The following MPRIP variants were observed in gnomAD, a reference collection of about 807,000 sequenced individuals.
MPRIP encodes the protein myosin phosphatase Rho-interacting protein.
In MPRIP, 59 loss-of-function variants were observed where a neutral mutation model predicts 234.9. That is an observed-to-expected ratio of 0.25 (90% CI 0.20 to 0.31). The LOEUF (loss-of-function observed/expected upper bound fraction) is 0.31. Among genes scored for constraint, MPRIP ranks in the 10% least tolerant of loss-of-function variants. The pLI is 1.00. For synonymous variants in MPRIP, 1,144 were observed against 1,263.9 expected (o/e 0.91, Z 2.01); for missense variants, 2,436 against 3,071.0 (o/e 0.79, Z 4.89).
intron 5 of MPRIP, among the ~76,000 whole-genome samples, chr17:17,133,023 C>T (rs905320513): frequency 6.6e-6 from 1 of 152,158 alleles, no homozygotes; most frequent in African/African-American, 2.4e-5. Flanking sequence ...TAAGGTAACT[C>T]CAAGTGCAGA....
At chr17:17,085,655 T>C (rs1178604112) in intron 3 of MPRIP, among the ~76,000 whole-genome samples, 1 of 152,224 alleles carries the variant, frequency 6.6e-6, no homozygotes, top group East Asian at 1.9e-4. Flanking sequence ...GGCTCACGCC[T>C]GTAATCCCAG....
chr17:17,148,185 G>A (rs191998243), intron 11 of MPRIP, among the ~76,000 whole-genome samples: 4 of 152,342 alleles, frequency 2.6e-5, no homozygotes, highest in Admixed American at 2.6e-4. Context: ...GGGTAGGAGA[G>A]TGTGGGCGGT....
At chr17:17,175,980 C>T (rs1273642323) in intron 20 of MPRIP, among the ~76,000 whole-genome samples, 1 of 152,202 alleles carries the variant, frequency 6.6e-6, no homozygotes. Flanking sequence ...CTGGGAGGGA[C>T]CAGTGCTTGG....
chr17:17,139,901 G>T (rs1412275904), intron 7 of MPRIP, among the ~76,000 whole-genome samples: 1 of 152,196 alleles, frequency 6.6e-6, no homozygotes, highest in Non-Finnish European at 1.5e-5. Context: ...TTTCATAGTA[G>T]CCTGATGAGG....
At chr17:17,100,037 G>A (rs2089927748) in intron 3 of MPRIP, among the ~76,000 whole-genome samples, 2 of 152,226 alleles carry the variant, frequency 1.3e-5, no homozygotes, top group South Asian at 4.1e-4. Flanking sequence ...CTCCTGGGAT[G>A]GCGCTGGGTG....
At chr17:17,171,662 G>T (rs1182980445) in intron 16 of MPRIP, 56 bp from the exon 17 acceptor site, 45 of 1,580,330 alleles carry the variant, frequency 2.8e-5, no homozygotes, top group Non-Finnish European at 3.9e-5. Context: ...ATTTAAAAGG[G>T]CCCCCAACTT....
intron 3 of MPRIP, among the ~76,000 whole-genome samples, chr17:17,083,893 G>A (rs971396652): frequency 6.6e-6 from 1 of 152,064 alleles, no homozygotes; most frequent in African/African-American, 2.4e-5. Context: ...ACAGGCCCGC[G>A]CCACCATGCC....
intron 9 of MPRIP, among the ~76,000 whole-genome samples, chr17:17,144,917 G>A (rs540777958): frequency 2.0e-5 from 3 of 152,228 alleles, no homozygotes; most frequent in African/African-American, 4.8e-5. Context: ...GCAGTCCCAC[G>A]TCTCAGGTCC....
intron 4 of MPRIP, among the ~76,000 whole-genome samples, chr17:17,127,420 C>T (rs1421183051): frequency 1.3e-5 from 2 of 152,260 alleles, no homozygotes; most frequent in Non-Finnish European, 2.9e-5. Flanking sequence ...CCCAGGTCCC[C>T]TGAGAGTGGC....
At position 17,171,830 on chromosome 17, in the gene MPRIP, G is replaced by A. The variant is rs1597506057; in HGVS notation, c.6437G>A (p.Arg2146His). The change falls in exon 17 of 24, where the codon CGC becomes CAC. Residue 2146 changes from arginine to histidine, a missense_variant. Around this residue, in one of 4 missense-constraint regions of MPRIP, gnomAD observed 1,998 missense variants for 2,520.3 expected, o/e 0.79. Transcript: ENST00000651222. ...ELEKLREEKD[R>H]LLAEETAATI... ...GAGAAACTTCGAGAAGAGAAAGACC[G>A]CCTCCTAGCCGAGGAGACAGCGGCC... is the stretch of plus-strand genomic sequence containing the variant. The A allele has an allele frequency of 5.0e-6, 8 of 1,613,442 alleles. No homozygotes were observed. The highest frequency in any genetic ancestry group is 1.1e-5 in the South Asian group (1 of 91,076).
chr17:17,153,328 A>G (rs1323433839), intron 12 of MPRIP, among the ~76,000 whole-genome samples: 2 of 151,912 alleles, frequency 1.3e-5, no homozygotes, highest in African/African-American at 2.4e-5. Context: ...CAGCTTCCCT[A>G]CTGACCTGGC....
At position 17,165,162 on chromosome 17, in the gene MPRIP, G is replaced by A; in HGVS notation, c.3571G>A (p.Ala1191Thr). Residue 1191 changes from alanine to threonine, a missense_variant, in exon 16 of 24, where the codon GCT (alanine) becomes ACT (threonine). Around this residue, in one of 4 missense-constraint regions of MPRIP, gnomAD observed 1,998 missense variants for 2,520.3 expected, o/e 0.79. Transcript: ENST00000651222. Reference sequence around the variant, plus strand: ...GAAGAAGGAGCAGGACCTCAATGAGGCTTTGGTTAAAATGGTTGCCTTGGG... The same window carrying A: ...GAAGAAGGAGCAGGACCTCAATGAGACTTTGGTTAAAATGGTTGCCTTGGG... ...LEKKEQDLNE[A>T]LVKMVALGSS... 2 of 1,304,232 alleles carry A rather than the reference G, an allele frequency of 1.5e-6. No homozygotes were observed. The highest frequency in any genetic ancestry group is 2.0e-6 in the Non-Finnish European group (2 of 988,972). The allele number at this position is 1,304,232 out of a possible 1,614,324, so 80.8% of individuals were successfully genotyped here.
In MPRIP at chr17:17,180,061, C is replaced by T; in HGVS notation, c.7179C>T (p.Thr2393=). The T allele has an allele frequency of 6.3e-7, 1 of 1,592,314 alleles. No homozygotes were observed. Among genetic ancestry groups the T allele is most frequent in the Non-Finnish European group, 8.5e-7 (1 of 1,174,150 alleles). Residue 2393 remains threonine (T), a synonymous_variant, in exon 23 of 24, where the codon ACC becomes ACT. Coordinates refer to ENST00000651222, the MANE Select transcript of MPRIP (RefSeq NM_001364716.4). The part of the protein sequence containing the change: ...DFLKKDRSCV[T]RQLRNIRSKS... ...TGAAGAAAGACAGATCCTGTGTCAC[C>T]CGGCAACTCAGAAACATCAGGTCCA... is the stretch of plus-strand genomic sequence containing the variant.
intron 23 of MPRIP, chr17:17,180,681 C>T: frequency 6.2e-7 from 1 of 1,609,500 alleles, no homozygotes; most frequent in Non-Finnish European, 8.5e-7. Flanking sequence ...TAAACCGCCT[C>T]TCCCACCGCC....
Position 17,176,523 on chromosome 17 carries a change from C to T in MPRIP, c.6957+11C>T, listed in dbSNP as rs551005461. 6.8e-6 allele frequency: 11 copies of T among 1,609,444 alleles called. No homozygotes were observed. Among genetic ancestry groups the T allele is most frequent in the East Asian group, 2.2e-5 (1 of 44,856 alleles). ...CAGACGGCACTGCGGGTAAGGCCAC[C>T]GCACCACAGGAGGGCGGGTACGGGA... On this transcript the variant is annotated intron_variant, in intron 21 of 23. Coordinates refer to ENST00000651222, the MANE Select transcript of MPRIP (RefSeq NM_001364716.4).
rs765718385 is a variant in MPRIP at position 17,165,373 on chromosome 17, C to G, written c.3782C>G (p.Thr1261Arg). 6.9e-6 allele frequency: 9 copies of G among 1,304,202 alleles called. No individual in the cohort carries two copies. The highest frequency in any genetic ancestry group is 4.9e-5 in the South Asian group (4 of 81,032). 80.8% of individuals were successfully genotyped at this position (1,304,202 alleles called of 1,614,324 possible). The change falls in exon 16 of 24, where the codon ACA becomes AGA. Residue 1261 changes from threonine to arginine, a missense_variant. Around this residue, in one of 4 missense-constraint regions of MPRIP, gnomAD observed 1,998 missense variants for 2,520.3 expected, o/e 0.79. Coordinates refer to ENST00000651222, the MANE Select transcript of MPRIP (RefSeq NM_001364716.4). ...ATRAPLGLPH[T>R]RLEDEDEDLG... ...AGGGCACCTCTAGGCCTCCCACACACAAGGCTCGAGGATGAGGACGAGGAC... is the reference window on the plus strand; with the variant it reads ...AGGGCACCTCTAGGCCTCCCACACAGAAGGCTCGAGGATGAGGACGAGGAC...
At chr17:17,176,569 G>T in intron 21 of MPRIP, 57 bp downstream of exon 21, 1 of 1,338,278 alleles carries the variant, frequency 7.5e-7, no homozygotes. Context: ...GGTGACATGC[G>T]CCTCCTGAAC....
Position 17,158,609 on chromosome 17 carries a change from C to T in MPRIP, c.2007C>T (p.Ile669=). 6.2e-7 allele frequency: 1 copy of T among 1,605,054 alleles called. No homozygotes were observed. Residue 669 remains isoleucine, a synonymous_variant, in exon 14 of 24, where the codon ATC becomes ATT. Transcript: ENST00000651222. ...TTGACTGGGCTGAGTTCCGTCCCATCCAGCAGGCCCTGGCTCAGGAGCGGG... is the reference window on the plus strand; with the variant it reads ...TTGACTGGGCTGAGTTCCGTCCCATTCAGCAGGCCCTGGCTCAGGAGCGGG... The part of the protein sequence containing the change: ...KTFDWAEFRP[I]QQALAQERVG...
At chr17:17,131,106 C>A (rs1178155691) in intron 4 of MPRIP, among the ~76,000 whole-genome samples, 8 of 152,182 alleles carry the variant, frequency 5.3e-5, no homozygotes, top group Non-Finnish European at 1.0e-4. Flanking sequence ...GCCCAGCCTT[C>A]CTCAAAGCCA....
Sources: allele counts gnomAD v4.1 joint callset (sites outside exome capture counted in the v4.1 genomes callset), GRCh38; gene constraint gnomAD v4.1.1; regional missense constraint gnomAD v4.1.1; transcripts MANE v1.5; gene names NCBI Gene and HGNC (gene_info 2026-07-23, HGNC 2026-07-21).